TPM3: variants seen among roughly 807,000 people sequenced by gnomAD.
TPM3 encodes tropomyosin alpha-3 chain.
TPM3 carries 16 observed loss-of-function variants against 43.1 expected under a neutral mutation model. The observed-to-expected ratio is 0.37, with a 90% CI of 0.25 to 0.56. The LOEUF (loss-of-function observed/expected upper bound fraction) is 0.56, where lower values mean the gene tolerates loss of function less well. Among genes scored for constraint, TPM3 ranks in the 20% least tolerant of loss-of-function variants. The pLI is 0.77. For synonymous variants in TPM3, 101 were observed against 116.9 expected (o/e 0.86, Z 0.88); for missense variants, 176 against 337.2 (o/e 0.52, Z 3.74).
downstream of TPM3, chr1:154,158,912 C>T (rs1660075821): frequency 1.3e-6 from 1 of 776,484 alleles, no homozygotes; most frequent in East Asian, 2.4e-5. Flanking sequence ...TGTTGGGGTC[C>T]AGGTCAGTGG....
At chr1:154,181,547 T>G (rs1400467867) in intron 2 of TPM3, among the ~76,000 whole-genome samples, 1 of 152,212 alleles carries the variant, frequency 6.6e-6, no homozygotes, top group Non-Finnish European at 1.5e-5. Flanking sequence ...TCTATTAGAC[T>G]GCACCCTAGA....
chr1:154,176,323 C>A, intron 2 of TPM3, 75 bp from the exon 3 acceptor site: 1 of 1,607,346 alleles, frequency 6.2e-7, no homozygotes. Flanking sequence ...ACATTAAGAT[C>A]AGGGTTGACT....
intron 2 of TPM3, chr1:154,182,943 A>C (rs1571441406): frequency 6.2e-7 from 1 of 1,608,188 alleles, no homozygotes; most frequent in African/African-American, 1.3e-5. Flanking sequence ...CTTGCCGGAT[A>C]CTCCAGCGCC....
chr1:154,167,784 G>A lies in TPM3; in HGVS notation c.*153C>T, dbSNP rs1392617700. 8 of 1,556,834 alleles carry A rather than the reference G, an allele frequency of 5.1e-6. No individual in the cohort carries two copies. Among genetic ancestry groups the A allele is most frequent in the East Asian group, 2.3e-5 (1 of 43,584 alleles). On this transcript the variant is annotated 3_prime_UTR_variant, in exon 10 of 10. Coordinates refer to ENST00000651641, the MANE Select transcript of TPM3 (RefSeq NM_152263.4). The stretch of plus-strand genomic sequence containing the variant: ...TAACATTTTAATTTGGGGTGGGGGT[G>A]GAAGAAAATACATAAGTTGCTTTTT...
chr1:154,176,352 T>C, intron 2 of TPM3, 104 bp from the exon 3 acceptor site: 1 of 1,534,126 alleles, frequency 6.5e-7, no homozygotes, highest in Non-Finnish European at 8.9e-7. Context: ...AAAGCCAGAG[T>C]CTCGCAGGGT....
At chr1:154,170,964 A>C (rs922486488) in intron 6 of TPM3, 6 of 559,392 alleles carry the variant, frequency 1.1e-5, no homozygotes, top group Admixed American at 3.1e-5. Context: ...TATTATTCAG[A>C]TCAACCCAAG....
intron 2 of TPM3, among the ~76,000 whole-genome samples, chr1:154,185,706 T>C (rs1203869430): frequency 1.4e-5 from 2 of 146,786 alleles, no homozygotes; most frequent in Admixed American, 1.3e-4. Flanking sequence ...TGAGACACAG[T>C]CTGAAAAAAA....
Position 154,172,904 on chromosome 1 carries a change from T to G in TPM3, c.566+4A>C. ...TGACAAGATTTGGGGAGCTAGATACTCACGACTCTGCCAGCTCAGCTCGTT... is the reference window on the plus strand; with the variant it reads ...TGACAAGATTTGGGGAGCTAGATACGCACGACTCTGCCAGCTCAGCTCGTT... On this transcript the variant is annotated splice_donor_region_variant and intron_variant, in intron 5 of 9. Coordinates refer to ENST00000651641, the MANE Select transcript of TPM3 (RefSeq NM_152263.4). 6.2e-7 allele frequency: 1 copy of G among 1,614,140 alleles called. No homozygotes were observed.
chr1:154,171,062 G>C, intron 6 of TPM3: 1 of 533,718 alleles, frequency 1.9e-6, no homozygotes, highest in South Asian at 2.1e-5. Flanking sequence ...TGATGGCAAA[G>C]TGAAGTCATC....
In TPM3 at chr1:154,172,888, T is replaced by C. The variant is rs1043026930; in HGVS notation, c.566+20A>G. The C allele has an allele frequency of 1.2e-6, 2 of 1,614,074 alleles. No individual in the cohort carries two copies. The highest frequency in any genetic ancestry group is 2.7e-5 in the African/African-American group (2 of 75,024). On this transcript the variant is annotated intron_variant, in intron 5 of 9. Coordinates refer to ENST00000651641, the MANE Select transcript of TPM3 (RefSeq NM_152263.4). ...AGGGATAAATTGGTAATGACAAGATTTGGGGAGCTAGATACTCACGACTCT... is the reference window on the plus strand; with the variant it reads ...AGGGATAAATTGGTAATGACAAGATCTGGGGAGCTAGATACTCACGACTCT...
At chr1:154,182,711 T>C (rs970780653) in intron 2 of TPM3, among the ~76,000 whole-genome samples, 1 of 151,792 alleles carries the variant, frequency 6.6e-6, no homozygotes, top group Admixed American at 6.6e-5. Flanking sequence ...AGGCACTGAA[T>C]GAATGAGGTG....
At chr1:154,171,337 G>C (rs915084971) in intron 6 of TPM3, 76 bp downstream of exon 6, 7 of 1,472,888 alleles carry the variant, frequency 4.8e-6, no homozygotes, top group Admixed American at 1.7e-5. Context: ...TATGGAATGC[G>C]TGTCTCCAGT....
chr1:154,175,067 C>T (rs935751793), intron 3 of TPM3, among the ~76,000 whole-genome samples: 26 of 152,074 alleles, frequency 1.7e-4, no homozygotes, highest in African/African-American at 4.6e-4. Flanking sequence ...CGCAGTGGCT[C>T]ACGCCTGTAA....
chr1:154,170,589 T>A, intron 7 of TPM3, 60 bp downstream of exon 7: 7 of 1,594,006 alleles, frequency 4.4e-6, no homozygotes, highest in Non-Finnish European at 6.0e-6. Context: ...TAAATCCATA[T>A]TAATGCCTTA....
chr1:154,173,270 C>T lies in TPM3; in HGVS notation c.378-69G>A. ...GTGTCGTCAGCTCCACTCCAAGGGT[C>T]TCAGAACTGTACTTTTAAAAGCCCA... On this transcript the variant is annotated intron_variant, in intron 3 of 9. Transcript: ENST00000651641. 3 of 1,318,068 alleles carry T rather than the reference C, an allele frequency of 2.3e-6. No individual in the cohort carries two copies. In the East Asian group the frequency reaches 6.9e-5, roughly 30 times the overall value. The allele number at this position is 1,318,068 out of a possible 1,614,324, so 81.6% of individuals were successfully genotyped here. A position where few individuals can be genotyped will look rare whatever the true frequency, so the allele number is the denominator to read the frequency against.
Position 154,169,371 on chromosome 1 carries a change from G to C in TPM3, c.788C>G (p.Ala263Gly), listed in dbSNP as rs1455676920. Reference protein sequence around the residue: ...TIDDLEDELYAQKLKYKAISE... With the variant: ...TIDDLEDELYGQKLKYKAISE... Reference sequence around the variant, plus strand: ...AATGGCCTTGTACTTCAGTTTCTGGGCATAGAGCTCATCTGGACAGGCACA... The same window carrying C: ...AATGGCCTTGTACTTCAGTTTCTGGCCATAGAGCTCATCTGGACAGGCACA... Residue 263 changes from alanine (A) to glycine (G), a missense_variant, in exon 9 of 10, where the codon GCC (alanine) becomes GGC (glycine). This residue lies in a region of TPM3 where 53 missense variants were observed against 98.3 expected (regional missense o/e 0.54). Coordinates refer to ENST00000651641, the MANE Select transcript of TPM3 (RefSeq NM_152263.4). 2 of 1,614,080 alleles carry C rather than the reference G, an allele frequency of 1.2e-6. No individual in the cohort carries two copies. Among genetic ancestry groups the C allele is most frequent in the Non-Finnish European group, 1.7e-6 (2 of 1,180,042 alleles).
Position 154,166,027 on chromosome 1 carries a change from T to C in TPM3, c.*1910A>G. 6.6e-6 allele frequency among the ~76,000 whole-genome samples: 1 copy of C among 152,292 alleles called. No homozygotes were observed. Reference sequence around the variant, plus strand: ...CTTGAGAGTAGGAATGGTGCCTCCATCTTTATTTCTGTCTCCATCTTAATA... The same window carrying C: ...CTTGAGAGTAGGAATGGTGCCTCCACCTTTATTTCTGTCTCCATCTTAATA... On this transcript the variant is annotated 3_prime_UTR_variant, in exon 10 of 10. Transcript: ENST00000651641.
At chr1:154,174,404 AT>A (rs1264898413) in intron 3 of TPM3, among the ~76,000 whole-genome samples, 1 of 124,518 alleles carries the variant, frequency 8.0e-6, no homozygotes, top group African/African-American at 3.2e-5. Context: ...ATATATATAT[AT>A]ATACACACAA....
intron 5 of TPM3, chr1:154,172,329 G>T (rs1225920679): frequency 1.4e-6 from 1 of 700,584 alleles, no homozygotes; most frequent in African/African-American, 1.8e-5. Flanking sequence ...TCAAGGCCCA[G>T]AAGGTACCGA....
Sources: gnomAD v4.1 joint callset for allele counts (sites outside exome capture counted in the v4.1 genomes callset) on GRCh38, gnomAD v4.1.1 for gene constraint, gnomAD v4.1.1 regional missense constraint, MANE v1.5 for transcripts, NCBI Gene and HGNC (gene_info 2026-07-23, HGNC 2026-07-21) for gene names.